The following PSTPIP2 variants were observed in gnomAD, a reference collection of about 807,000 sequenced individuals.
PSTPIP2 encodes proline-serine-threonine phosphatase-interacting protein 2.
Under a neutral mutation model 63.3 loss-of-function variants are expected in PSTPIP2, and 33 were observed. The ratio of observed to expected loss-of-function variants is 0.52; its 90% CI spans 0.40 to 0.70. PSTPIP2 has a LOEUF of 0.70. PSTPIP2 is among the 30% of genes least tolerant of loss of function. The probability of loss-of-function intolerance (pLI) is 0.00; values close to 1 mark genes in which losing one functional copy is unlikely to be tolerated. For synonymous variants in PSTPIP2, 125 were observed against 132.7 expected (o/e 0.94, Z 0.40); for missense variants, 312 against 400.7 (o/e 0.78, Z 1.89).
intron 9 of PSTPIP2, among the ~76,000 whole-genome samples, chr18:45,994,397 T>G (rs1185974106): frequency 6.6e-6 from 1 of 152,166 alleles, no homozygotes; most frequent in African/African-American, 2.4e-5. Flanking sequence ...CAGCCCCTTT[T>G]CCACTCTATG....
chr18:46,005,531 T>C lies in PSTPIP2; in HGVS notation c.355A>G (p.Thr119Ala), dbSNP rs2051716197. Residue 119 changes from threonine (T) to alanine (A), a missense_variant and splice_region_variant, in exon 6 of 15, where the codon ACA (threonine) becomes GCA (alanine). Coordinates refer to ENST00000409746, the MANE Select transcript of PSTPIP2 (RefSeq NM_024430.4). ...TGGATAGCATCCATTATGAGCTCTG[T>C]CTGTAAAGAGATCATAAACACTCTT... ...REKQKLQRKK[T>A]ELIMDAIHKQ... 3 of 1,584,006 alleles carry C rather than the reference T, an allele frequency of 1.9e-6. No individual in the cohort carries two copies. The highest frequency in any genetic ancestry group is 2.6e-6 in the Non-Finnish European group (3 of 1,158,056).
At chr18:46,029,225 GAAGAT>G in intron 2 of PSTPIP2, 1 of 1,056,760 alleles carries the variant, frequency 9.5e-7, no homozygotes, top group Non-Finnish European at 1.4e-6. Flanking sequence ...AGGTTTGAAA[GAAGAT>G]AGTGAGGAGC....
chr18:46,070,439 C>T lies in PSTPIP2; in HGVS notation c.33+1717G>A, dbSNP rs918294720. 2.0e-5 allele frequency among the ~76,000 whole-genome samples: 3 copies of T among 152,244 alleles called. No homozygotes were observed. In the East Asian group the frequency reaches 5.8e-4, roughly 29 times the overall value. On this transcript the variant is annotated intron_variant, in intron 1 of 14. Coordinates refer to ENST00000409746, the MANE Select transcript of PSTPIP2 (RefSeq NM_024430.4). ...AGGCTGGTGGGGAGGGGCTTAGCGC[C>T]CGCCTGGCCTTAGCCTTGCCAGTGC...
At chr18:45,990,683 C>A (rs775831482) in intron 13 of PSTPIP2, 39 bp downstream of exon 13, 1 of 1,549,596 alleles carries the variant, frequency 6.5e-7, no homozygotes, top group Non-Finnish European at 8.9e-7. Flanking sequence ...GCCTGCCTTG[C>A]AATATAAGAA....
At chr18:46,062,719 G>A (rs1294347719) in intron 1 of PSTPIP2, among the ~76,000 whole-genome samples, 1 of 152,008 alleles carries the variant, frequency 6.6e-6, no homozygotes. Flanking sequence ...GTTTCACCGT[G>A]TTAGCCAGGA....
At chr18:46,046,920 T>A (rs759573421) in intron 1 of PSTPIP2, among the ~76,000 whole-genome samples, 2 of 152,236 alleles carry the variant, frequency 1.3e-5, no homozygotes, top group African/African-American at 2.4e-5. Flanking sequence ...GGTGCATAAG[T>A]GCGCTGCACT....
chr18:46,035,375 G>A (rs1010837961), intron 2 of PSTPIP2, among the ~76,000 whole-genome samples: 7 of 149,668 alleles, frequency 4.7e-5, no homozygotes, highest in East Asian at 2.0e-4. Flanking sequence ...AGCTGAGATC[G>A]CACCACTGTA....
At chr18:46,022,160 T>C (rs1357486437) in intron 3 of PSTPIP2, among the ~76,000 whole-genome samples, 1 of 152,202 alleles carries the variant, frequency 6.6e-6, no homozygotes, top group Non-Finnish European at 1.5e-5. Flanking sequence ...ACTAATTTCC[T>C]ATGTCTGAGG....
At chr18:46,041,029 T>G (rs762091733) in intron 1 of PSTPIP2, 85 of 458,894 alleles carry the variant, frequency 1.9e-4, no homozygotes, top group African/African-American at 1.5e-3. Flanking sequence ...TCCTTAAACT[T>G]GCCACTGAAC....
intron 1 of PSTPIP2, among the ~76,000 whole-genome samples, chr18:46,052,869 G>T (rs1405297690): frequency 6.6e-6 from 1 of 152,176 alleles, no homozygotes; most frequent in Non-Finnish European, 1.5e-5. Context: ...TTCCTACAGT[G>T]CTCTAGTTTT....
chr18:46,051,487 A>T (rs528060565), intron 1 of PSTPIP2, among the ~76,000 whole-genome samples: 1 of 152,278 alleles, frequency 6.6e-6, no homozygotes, highest in East Asian at 1.9e-4. Flanking sequence ...AAAAAAAAAA[A>T]TTGAACATAA....
chr18:46,050,571 A>T (rs1041335062), intron 1 of PSTPIP2, among the ~76,000 whole-genome samples: 5 of 148,562 alleles, frequency 3.4e-5, no homozygotes, highest in African/African-American at 1.2e-4. Context: ...AAAATAAAAT[A>T]AAAAAGATAA....
chr18:46,042,127 A>C (rs1908216990), intron 1 of PSTPIP2, among the ~76,000 whole-genome samples: 2 of 152,110 alleles, frequency 1.3e-5, no homozygotes, highest in Non-Finnish European at 2.9e-5. Flanking sequence ...AAATCATCAA[A>C]ACTTTTACAA....
chr18:46,002,211 T>C (rs940100921), intron 6 of PSTPIP2, among the ~76,000 whole-genome samples: 1 of 152,208 alleles, frequency 6.6e-6, no homozygotes, highest in African/African-American at 2.4e-5. Flanking sequence ...TTTGGGTTTA[T>C]CTTGGTTACA....
At chr18:46,034,865 G>C (rs1023835367) in intron 2 of PSTPIP2, among the ~76,000 whole-genome samples, 14 of 152,182 alleles carry the variant, frequency 9.2e-5, no homozygotes, top group Non-Finnish European at 1.3e-4. Context: ...AGCTTGCATA[G>C]AGTAAGCCTT....
At chr18:45,989,993 T>C (rs931984299) in intron 13 of PSTPIP2, 1 of 152,190 alleles carries the variant, frequency 6.6e-6, no homozygotes, top group Non-Finnish European at 1.5e-5. Context: ...CCCAGAGATA[T>C]CATAGGCGTT....
chr18:46,062,039 T>G (rs373178862), intron 1 of PSTPIP2, among the ~76,000 whole-genome samples: 2 of 152,160 alleles, frequency 1.3e-5, no homozygotes, highest in African/African-American at 2.4e-5. Context: ...GGACACACCA[T>G]GGAGACTGCT....
rs2051850306 is a variant in PSTPIP2 at position 46,016,096 on chromosome 18, C to T, written c.213-159G>A. 1.1e-5 allele frequency: 8 copies of T among 713,110 alleles called. No homozygotes were observed. The South Asian group carries it at 1.5e-4, about 14-fold the overall frequency. 44.2% of individuals were successfully genotyped at this position (713,110 alleles called of 1,614,324 possible). On this transcript the variant is annotated intron_variant, in intron 3 of 14. Transcript: ENST00000409746. ...GAGAGACAGCAAAAGACCAAGACTT[C>T]TTAAGTCCAGTTTCCTCAATCCCAG...
intron 1 of PSTPIP2, among the ~76,000 whole-genome samples, chr18:46,051,779 A>C (rs1018427868): frequency 6.6e-6 from 1 of 152,206 alleles, no homozygotes; most frequent in African/African-American, 2.4e-5. Flanking sequence ...ACATTCAACC[A>C]CCTCTGAGTG....
Sources: gnomAD v4.1 joint callset for allele counts (sites outside exome capture counted in the v4.1 genomes callset) on GRCh38, gnomAD v4.1.1 for gene constraint, MANE v1.5 for transcripts, NCBI Gene and HGNC (gene_info 2026-07-23, HGNC 2026-07-21) for gene names.